Variants in DSCAM observed in about 807,000 individuals in gnomAD.
DSCAM encodes the protein DS cell adhesion molecule.
A neutral mutation model predicts 217.7 loss-of-function variants in DSCAM; 47 were observed. The observed-to-expected ratio is 0.22, with a 90% CI of 0.17 to 0.28. The LOEUF is 0.28. Among genes scored for constraint, DSCAM ranks in the 10% least tolerant of loss-of-function variants. The pLI is 1.00. For synonymous variants in DSCAM, 1,056 were observed against 1,015.3 expected, an observed-to-expected ratio of 1.04 and a Z score of -0.76; for missense variants, 2,080 against 2,618.3, an observed-to-expected ratio of 0.79 and a Z score of 4.49.
intron 3 of DSCAM, among the ~76,000 whole-genome samples, chr21:40,532,758 A>G (rs1043177160): frequency 1.4e-4 from 22 of 152,182 alleles, no homozygotes; most frequent in Admixed American, 1.0e-3. Flanking sequence ...GGGGAGAGAG[A>G]GCATGGGGTG....
At chr21:40,813,908 G>A (rs543338287) in intron 1 of DSCAM, among the ~76,000 whole-genome samples, 2 of 152,094 alleles carry the variant, frequency 1.3e-5, no homozygotes, top group Non-Finnish European at 2.9e-5. Context: ...GCCTCTCAAA[G>A]TGCTGGGATT....
intron 3 of DSCAM, among the ~76,000 whole-genome samples, chr21:40,466,769 G>C (rs773565316): frequency 1.3e-5 from 2 of 151,930 alleles, no homozygotes; most frequent in Non-Finnish European, 1.5e-5. Context: ...ATTTCTATGG[G>C]ACCACCTCAA....
intron 14 of DSCAM, among the ~76,000 whole-genome samples, chr21:40,186,267 G>A (rs953247746): frequency 6.6e-6 from 1 of 152,088 alleles, no homozygotes; most frequent in Non-Finnish European, 1.5e-5. Context: ...TACAGCTTTA[G>A]TGCCAAAGAT....
intron 1 of DSCAM, among the ~76,000 whole-genome samples, chr21:40,714,773 A>C (rs947961850): frequency 1.3e-5 from 2 of 152,208 alleles, no homozygotes; most frequent in East Asian, 3.8e-4. Context: ...CTGGGATTCA[A>C]TGAATGCATT....
chr21:40,174,217 T>G (rs1420576268), intron 15 of DSCAM, among the ~76,000 whole-genome samples: 1 of 152,208 alleles, frequency 6.6e-6, no homozygotes, highest in Non-Finnish European at 1.5e-5. Context: ...CTGCGCTGAA[T>G]GGTGTGGTCT....
chr21:40,058,928 T>C (rs1470556337), intron 28 of DSCAM, among the ~76,000 whole-genome samples: 1 of 152,246 alleles, frequency 6.6e-6, no homozygotes, highest in Non-Finnish European at 1.5e-5. Context: ...TATTGAGCTA[T>C]AATCTTCAAC....
intron 1 of DSCAM, among the ~76,000 whole-genome samples, chr21:40,739,954 A>AT (rs56815777): frequency 0.032 from 1,862 of 59,008 alleles, 185 homozygotes; most frequent in Non-Finnish European, 0.042. Context: ...TGCAGGTGTA[A>AT]TTTTTTTTTT....
chr21:40,649,745 C>T (rs1320544625), intron 3 of DSCAM, among the ~76,000 whole-genome samples: 1 of 152,190 alleles, frequency 6.6e-6, no homozygotes, highest in Non-Finnish European at 1.5e-5. Flanking sequence ...AGGAAAGGTT[C>T]AGTTGAGCCC....
chr21:40,277,914 C>T lies in DSCAM; in HGVS notation c.2183-1644G>A, dbSNP rs78956642. Among the ~76,000 whole-genome samples the T allele has an allele frequency of 7.0e-3, 1,047 of 149,692 alleles. 14 individuals carry two copies. Among genetic ancestry groups the T allele is most frequent in the African/African-American group, 0.022 (917 of 40,960 alleles). Reference sequence around the variant, plus strand: ...ATAATAAGAAGAAAATAAAAGTACACGAATGTAGATTGATAAGAATATAAC... The same window carrying T: ...ATAATAAGAAGAAAATAAAAGTACATGAATGTAGATTGATAAGAATATAAC... On this transcript the variant is annotated intron_variant, in intron 10 of 32. Transcript: ENST00000400454.
intron 16 of DSCAM, among the ~76,000 whole-genome samples, chr21:40,156,871 C>A (rs955901627): frequency 6.6e-6 from 1 of 152,138 alleles, no homozygotes; most frequent in Admixed American, 6.5e-5. Flanking sequence ...GATCTTTGAA[C>A]TGGAGAGTGA....
At chr21:40,704,318 T>C (rs2090688769) in intron 2 of DSCAM, among the ~76,000 whole-genome samples, 1 of 152,244 alleles carries the variant, frequency 6.6e-6, no homozygotes, top group Non-Finnish European at 1.5e-5. Context: ...TTTCACTTAG[T>C]AACAGGCATT....
At chr21:40,489,513 G>A (rs966190475) in intron 3 of DSCAM, among the ~76,000 whole-genome samples, 6 of 152,082 alleles carry the variant, frequency 3.9e-5, no homozygotes, top group Admixed American at 1.3e-4. Context: ...GGTGGCTCAC[G>A]CCTGTAATCC....
chr21:40,428,234 T>TTGTGTG (rs71186936), intron 3 of DSCAM, among the ~76,000 whole-genome samples: 2,228 of 129,260 alleles, frequency 0.017, 33 homozygotes, highest in Non-Finnish European at 0.023. Context: ...GGCAAATACT[T>TTGTGTG]TGTGTGTGTG....
At chr21:40,433,807 T>C (rs2075558803) in intron 3 of DSCAM, among the ~76,000 whole-genome samples, 2 of 152,102 alleles carry the variant, frequency 1.3e-5, no homozygotes, top group African/African-American at 4.8e-5. Context: ...TTGGATGAGG[T>C]CACCTGAGGT....
intron 1 of DSCAM, among the ~76,000 whole-genome samples, chr21:40,756,768 C>T (rs1053850437): frequency 6.6e-6 from 1 of 152,094 alleles, no homozygotes; most frequent in African/African-American, 2.4e-5. Flanking sequence ...TTCTTTTATC[C>T]TACAACTCAC....
chr21:40,398,387 A>T (rs2075201516), intron 3 of DSCAM, among the ~76,000 whole-genome samples: 1 of 152,032 alleles, frequency 6.6e-6, no homozygotes, highest in African/African-American at 2.4e-5. Flanking sequence ...CCCTGTGCTC[A>T]CTCACACCAT....
intron 1 of DSCAM, among the ~76,000 whole-genome samples, chr21:40,727,870 C>T (rs1459932156): frequency 6.6e-6 from 1 of 152,140 alleles, no homozygotes; most frequent in Non-Finnish European, 1.5e-5. Flanking sequence ...TACCACCCTC[C>T]CCTGGGGATC....
At chr21:40,194,106 G>C (rs753812789) in intron 11 of DSCAM, among the ~76,000 whole-genome samples, 1 of 152,174 alleles carries the variant, frequency 6.6e-6, no homozygotes, top group Non-Finnish European at 1.5e-5. Flanking sequence ...CCTCTGGTTT[G>C]TTTATGACTT....
chr21:40,041,623 T>A (rs2088751542), intron 32 of DSCAM, among the ~76,000 whole-genome samples: 1 of 152,180 alleles, frequency 6.6e-6, no homozygotes. Flanking sequence ...TGCATTCTAT[T>A]ATCTGCCATG....
Sources: allele counts gnomAD v4.1 joint callset (sites outside exome capture counted in the v4.1 genomes callset), GRCh38; gene constraint gnomAD v4.1.1; transcripts MANE v1.5; gene names NCBI Gene and HGNC (gene_info 2026-07-23, HGNC 2026-07-21).